Variants in RBFOX1 observed in about 807,000 individuals in gnomAD.
RBFOX1 encodes the protein RNA binding fox-1 homolog 1.
Under a neutral mutation model 57.7 loss-of-function variants are expected in RBFOX1, and 8 were observed. The ratio of observed to expected loss-of-function variants is 0.14; its 90% CI spans 0.08 to 0.25. The LOEUF (loss-of-function observed/expected upper bound fraction) is 0.25, where lower values mean the gene tolerates loss of function less well. Ranked by LOEUF, RBFOX1 falls within the 10% of genes least tolerant of loss-of-function variation. The probability of loss-of-function intolerance (pLI) is 1.00; values close to 1 mark genes in which losing one functional copy is unlikely to be tolerated. For synonymous variants in RBFOX1, 326 were observed against 222.4 expected (o/e 1.47, Z -4.15); for missense variants, 611 against 548.5 (o/e 1.11, Z -1.14).
intron 4 of RBFOX1, among the ~76,000 whole-genome samples, chr16:7,456,113 T>A (rs1248199866): frequency 6.6e-6 from 1 of 152,172 alleles, no homozygotes; most frequent in Non-Finnish European, 1.5e-5. Flanking sequence ...CGTTCCTACA[T>A]TGCCCTTTTG....
At chr16:5,990,897 C>G (rs1263621501) in intron 4 of RBFOX1, among the ~76,000 whole-genome samples, 1 of 152,154 alleles carries the variant, frequency 6.6e-6, no homozygotes, top group Non-Finnish European at 1.5e-5. Flanking sequence ...TCGCTTGAAC[C>G]TGGAAGGCAG....
intron 4 of RBFOX1, among the ~76,000 whole-genome samples, chr16:5,928,168 A>T (rs1363800602): frequency 6.6e-6 from 1 of 152,150 alleles, no homozygotes; most frequent in Non-Finnish European, 1.5e-5. Context: ...ATCACAGCTC[A>T]CTGTAGCCTT....
At chr16:5,898,291 C>T (rs900859315) in intron 4 of RBFOX1, among the ~76,000 whole-genome samples, 4 of 152,054 alleles carry the variant, frequency 2.6e-5, no homozygotes, top group Admixed American at 6.6e-5. Flanking sequence ...GAACTAAATT[C>T]GAGTTGAGAT....
chr16:5,971,042 G>C (rs950036699), intron 4 of RBFOX1, among the ~76,000 whole-genome samples: 2 of 152,180 alleles, frequency 1.3e-5, no homozygotes, highest in African/African-American at 4.8e-5. Flanking sequence ...GATGCTCCCT[G>C]TGTGAGCTGA....
intron 1 of RBFOX1, among the ~76,000 whole-genome samples, chr16:6,020,282 T>C (rs890738679): frequency 6.6e-6 from 1 of 152,058 alleles, no homozygotes; most frequent in African/African-American, 2.4e-5. Context: ...TCGTCCGTCC[T>C]CCTGGGAGCG....
intron 1 of RBFOX1, among the ~76,000 whole-genome samples, chr16:6,095,814 A>G (rs2096239043): frequency 6.6e-6 from 1 of 152,196 alleles, no homozygotes; most frequent in Non-Finnish European, 1.5e-5. Flanking sequence ...CGTTACCAAC[A>G]GTGCCTGGTT....
chr16:5,663,738 AG>A (rs1175513665), intron 3 of RBFOX1, among the ~76,000 whole-genome samples: 4 of 152,222 alleles, frequency 2.6e-5, no homozygotes, highest in African/African-American at 9.6e-5. Flanking sequence ...TGGAAGCAAC[AG>A]GAAAGCTGGA....
intron 2 of RBFOX1, among the ~76,000 whole-genome samples, chr16:6,504,430 G>A (rs896457826): frequency 2.0e-5 from 3 of 152,174 alleles, no homozygotes; most frequent in Non-Finnish European, 4.4e-5. Flanking sequence ...CTTCACCATT[G>A]GTTTATGGAT....
At chr16:6,528,787 C>G (rs1322347940) in intron 2 of RBFOX1, among the ~76,000 whole-genome samples, 2 of 152,146 alleles carry the variant, frequency 1.3e-5, no homozygotes, top group African/African-American at 2.4e-5. Context: ...CACCTTGCTT[C>G]AACCCACTAG....
chr16:7,629,195 C>A (rs898959249), intron 10 of RBFOX1, among the ~76,000 whole-genome samples: 1 of 152,084 alleles, frequency 6.6e-6, no homozygotes, highest in Non-Finnish European at 1.5e-5. Flanking sequence ...AGTTGTCAGA[C>A]CGGTAACAGG....
chr16:6,083,214 G>C (rs532805118), intron 1 of RBFOX1, among the ~76,000 whole-genome samples: 2 of 152,208 alleles, frequency 1.3e-5, no homozygotes, highest in African/African-American at 4.8e-5. Flanking sequence ...TGATGGCCAA[G>C]CTGGTTTTGA....
intron 4 of RBFOX1, among the ~76,000 whole-genome samples, chr16:7,254,528 G>C (rs554603926): frequency 5.9e-5 from 9 of 151,466 alleles, no homozygotes; most frequent in African/African-American, 1.9e-4. Flanking sequence ...GCCCATTTTA[G>C]GTGTTATTTT....
chr16:5,872,557 G>T lies in RBFOX1; in HGVS notation c.351+5222G>T, dbSNP rs115023337. On this transcript the variant is annotated intron_variant, in intron 4 of 19. Coordinates refer to the RBFOX1 transcript ENST00000641259. ...ACCAGCCTGGGCAACAGATGAGGAA[G>T]AACCGAATCTCTACAGAAAGAAAAA... 8.4e-3 allele frequency among the ~76,000 whole-genome samples: 1,270 copies of T among 151,816 alleles called. 12 individuals carry two copies. Among genetic ancestry groups the T allele is most frequent in the African/African-American group, 0.029 (1,196 of 41,402 alleles).
At chr16:5,478,894 C>T (rs933016658) in intron 2 of RBFOX1, among the ~76,000 whole-genome samples, 3 of 152,172 alleles carry the variant, frequency 2.0e-5, no homozygotes, top group African/African-American at 7.2e-5. Flanking sequence ...CCCTCTCTGT[C>T]TGTATTTGGG....
intron 3 of RBFOX1, among the ~76,000 whole-genome samples, chr16:5,749,695 G>A (rs1193408301): frequency 6.6e-6 from 1 of 152,160 alleles, no homozygotes. Context: ...CGTAGTTCTT[G>A]TGCCATGGTT....
chr16:7,549,789 G>T (rs2085755032), intron 5 of RBFOX1, among the ~76,000 whole-genome samples: 1 of 152,034 alleles, frequency 6.6e-6, no homozygotes, highest in Non-Finnish European at 1.5e-5. Context: ...ATTGTACGTG[G>T]GTCTGCCTTT....
At chr16:6,392,172 A>G (rs1193259526) in intron 2 of RBFOX1, among the ~76,000 whole-genome samples, 4 of 152,228 alleles carry the variant, frequency 2.6e-5, no homozygotes, top group Admixed American at 2.0e-4. Context: ...TTGTCTTTGA[A>G]AAGACCGTTT....
At chr16:6,417,483 G>A (rs2093656471) in intron 2 of RBFOX1, among the ~76,000 whole-genome samples, 1 of 134,044 alleles carries the variant, frequency 7.5e-6, no homozygotes. Flanking sequence ...TCTGTCTCCT[G>A]AGTTCAAGCA....
chr16:7,675,639 C>T lies in RBFOX1; in HGVS notation c.931-1135C>T, dbSNP rs377713846. Among the ~76,000 whole-genome samples, 4 of 152,170 alleles carry T rather than the reference C, an allele frequency of 2.6e-5. No individual in the cohort carries two copies. In the East Asian group the frequency reaches 7.7e-4, roughly 29 times the overall value. On this transcript the variant is annotated intron_variant, in intron 13 of 15. Transcript: ENST00000550418. ...TTGAAAGAGGCTTTTTGTAGCTTCCCTGCTTCATCTATGTCTTATCGTATT... is the reference window on the plus strand; with the variant it reads ...TTGAAAGAGGCTTTTTGTAGCTTCCTTGCTTCATCTATGTCTTATCGTATT...
Sources: gnomAD v4.1 joint callset for allele counts (sites outside exome capture counted in the v4.1 genomes callset) on GRCh38, gnomAD v4.1.1 for gene constraint, MANE v1.5 for transcripts, NCBI Gene and HGNC (gene_info 2026-07-23, HGNC 2026-07-21) for gene names.